Variants in PRKD1 observed in about 807,000 individuals in gnomAD.
The protein encoded by PRKD1 is protein kinase D1.
In PRKD1, 63 loss-of-function variants were observed where a neutral mutation model predicts 95.9. That is an observed-to-expected ratio of 0.66 (90% CI 0.54 to 0.81). The LOEUF (loss-of-function observed/expected upper bound fraction) is 0.81, where lower values mean the gene tolerates loss of function less well. Among genes scored for constraint, PRKD1 ranks in the 30% least tolerant of loss-of-function variants. The pLI is 0.00. For missense variants in PRKD1, 1,048 were observed against 1,165.3 expected, an observed-to-expected ratio of 0.90 and a Z score of 1.47; for synonymous variants, 425 against 423.1, an observed-to-expected ratio of 1.00 and a Z score of -0.05.
At chr14:29,707,579 T>G (rs936531243) in intron 2 of PRKD1, among the ~76,000 whole-genome samples, 11 of 152,138 alleles carry the variant, frequency 7.2e-5, no homozygotes, top group Non-Finnish European at 2.9e-5. Context: ...AATAGATAAT[T>G]TATGATATAT....
intron 1 of PRKD1, among the ~76,000 whole-genome samples, chr14:29,740,914 T>C (rs1886953632): frequency 6.6e-6 from 1 of 152,176 alleles, no homozygotes; most frequent in Admixed American, 6.5e-5. Flanking sequence ...CCACAGAATA[T>C]GATGCAGTCA....
In PRKD1 at chr14:29,663,704, G is replaced by C; in HGVS notation, c.691C>G (p.Leu231Val). 1 of 1,613,616 alleles carries C rather than the reference G, an allele frequency of 6.2e-7. No homozygotes were observed. Among genetic ancestry groups the C allele is most frequent in the East Asian group, 2.2e-5 (1 of 44,842 alleles). Reference protein sequence around the residue: ...ELSTSAPDEPLLQKSPSESFI... With the variant: ...ELSTSAPDEPVLQKSPSESFI... ...GGGTAAACAGGAAGCCATACCAGAAGGGGCTCATCAGGGGCACTTGTAGAG... is the reference window on the plus strand; with the variant it reads ...GGGTAAACAGGAAGCCATACCAGAACGGGCTCATCAGGGGCACTTGTAGAG... The change falls in exon 4 of 18, where the codon CTT (leucine) becomes GTT (valine). Residue 231 changes from leucine to valine, a missense_variant. Leu to Val is a conservative substitution (Grantham distance 32). Transcript: ENST00000331968.
chr14:29,729,136 T>A (rs1886314576), intron 1 of PRKD1, among the ~76,000 whole-genome samples: 1 of 152,164 alleles, frequency 6.6e-6, no homozygotes, highest in Non-Finnish European at 1.5e-5. Context: ...TCGCATTGTT[T>A]AAAATTTTAC....
intron 2 of PRKD1, among the ~76,000 whole-genome samples, chr14:29,692,833 T>C (rs1369083260): frequency 6.6e-6 from 1 of 152,202 alleles, no homozygotes; most frequent in African/African-American, 2.4e-5. Context: ...TTGAAAGTTA[T>C]TTGAGATATA....
intron 1 of PRKD1, among the ~76,000 whole-genome samples, chr14:29,791,322 C>T (rs1289208552): frequency 6.6e-6 from 1 of 152,040 alleles, no homozygotes; most frequent in African/African-American, 2.4e-5. Flanking sequence ...ACTACTTAAC[C>T]AAGGTAAAGT....
At chr14:29,649,727 G>T (rs1353322224) in intron 4 of PRKD1, among the ~76,000 whole-genome samples, 1 of 152,148 alleles carries the variant, frequency 6.6e-6, no homozygotes, top group Non-Finnish European at 1.5e-5. Context: ...AGGGTTTTCA[G>T]CATTTGAGGG....
chr14:29,623,226 A>G (rs1044864233), intron 13 of PRKD1, among the ~76,000 whole-genome samples: 1 of 152,190 alleles, frequency 6.6e-6, no homozygotes, highest in Non-Finnish European at 1.5e-5. Context: ...GTCCCAGAAA[A>G]GTCTATGTTA....
intron 2 of PRKD1, among the ~76,000 whole-genome samples, chr14:29,670,047 G>A (rs1594412671): frequency 6.6e-6 from 1 of 152,068 alleles, no homozygotes; most frequent in Non-Finnish European, 1.5e-5. Flanking sequence ...ATACACTTCT[G>A]TAACTTTTAC....
intron 1 of PRKD1, among the ~76,000 whole-genome samples, chr14:29,727,543 CTT>C (rs1886220784): frequency 6.6e-6 from 1 of 151,206 alleles, no homozygotes; most frequent in Non-Finnish European, 1.5e-5. Flanking sequence ...ACGTTTAAGT[CTT>C]TAATCCATCT....
At chr14:29,782,505 G>GT (rs1286484609) in intron 1 of PRKD1, among the ~76,000 whole-genome samples, 1 of 151,920 alleles carries the variant, frequency 6.6e-6, no homozygotes, top group East Asian at 1.9e-4. Context: ...TTATTCTAAT[G>GT]TAATAGTTAA....
chr14:29,621,028 A>G (rs1181840882), intron 13 of PRKD1, among the ~76,000 whole-genome samples: 4 of 151,954 alleles, frequency 2.6e-5, no homozygotes, highest in African/African-American at 4.8e-5. Flanking sequence ...TGATGAGTTC[A>G]TGTCCTTTGT....
intron 1 of PRKD1, among the ~76,000 whole-genome samples, chr14:29,752,782 C>T (rs537032477): frequency 3.9e-5 from 6 of 152,020 alleles, no homozygotes; most frequent in African/African-American, 1.2e-4. Context: ...GAGCAGCCTA[C>T]GGTACATAAA....
At chr14:29,886,821 A>C (rs181519992) in intron 1 of PRKD1, among the ~76,000 whole-genome samples, 8 of 152,342 alleles carry the variant, frequency 5.3e-5, no homozygotes, top group Non-Finnish European at 1.0e-4. Flanking sequence ...TTATTTTGTT[A>C]ATTCTATTTT....
chr14:29,826,473 T>C (rs201476353), intron 1 of PRKD1, among the ~76,000 whole-genome samples: 10 of 121,972 alleles, frequency 8.2e-5, no homozygotes, highest in African/African-American at 2.9e-4. Context: ...TATATATACA[T>C]ATATATGATG....
chr14:29,667,907 C>T (rs935749794), intron 2 of PRKD1, among the ~76,000 whole-genome samples: 18 of 150,616 alleles, frequency 1.2e-4, no homozygotes, highest in African/African-American at 4.4e-4. Context: ...AGTGACACTC[C>T]TCCAATTTAT....
At chr14:29,886,132 C>T (rs986105753) in intron 1 of PRKD1, among the ~76,000 whole-genome samples, 1 of 152,052 alleles carries the variant, frequency 6.6e-6, no homozygotes, top group Admixed American at 6.6e-5. Flanking sequence ...CATTAAATGA[C>T]GGAAGGAGGA....
chr14:29,589,321 A>G (rs1011539304), intron 16 of PRKD1, among the ~76,000 whole-genome samples: 2 of 152,194 alleles, frequency 1.3e-5, no homozygotes, highest in African/African-American at 4.8e-5. Flanking sequence ...CAAGTATACA[A>G]TTTATATCGC....
At chr14:29,726,996 C>G (rs1886186524) in intron 1 of PRKD1, among the ~76,000 whole-genome samples, 1 of 152,134 alleles carries the variant, frequency 6.6e-6, no homozygotes, top group Non-Finnish European at 1.5e-5. Context: ...AATGGTTGAA[C>G]TAGTTTACAG....
chr14:29,703,307 A>G (rs1329504599), intron 2 of PRKD1, among the ~76,000 whole-genome samples: 1 of 152,126 alleles, frequency 6.6e-6, no homozygotes, highest in Non-Finnish European at 1.5e-5. Flanking sequence ...CAAGGAATCC[A>G]CTTCAATTGT....
Sources: allele counts gnomAD v4.1 joint callset (sites outside exome capture counted in the v4.1 genomes callset), GRCh38; gene constraint gnomAD v4.1.1; transcripts MANE v1.5; gene names NCBI Gene and HGNC (gene_info 2026-07-23, HGNC 2026-07-21).